The following ZNF57 variants were observed in gnomAD, a reference collection of about 807,000 sequenced individuals.
The protein encoded by ZNF57 is zinc finger protein 57.
A neutral mutation model predicts 13.4 loss-of-function variants in ZNF57; 11 were observed. The observed-to-expected ratio is 0.82, with a 90% confidence interval of 0.52 to 1.36. The LOEUF is 1.36. Ranked by LOEUF, ZNF57 falls within the 40% of genes most tolerant of loss-of-function variation. The probability of loss-of-function intolerance (pLI) is 0.00; values close to 1 mark genes in which losing one functional copy is unlikely to be tolerated. For synonymous variants in ZNF57, 224 were observed against 238.5 expected (o/e 0.94, Z 0.56); for missense variants, 696 against 667.5 (o/e 1.04, Z -0.47).
rs1212698828 is a variant in ZNF57, at chr19:2,917,242, T to G, written c.621T>G (p.His207Gln). 6.2e-7 allele frequency: 1 copy of G among 1,614,096 alleles called. No homozygotes were observed. The highest frequency in any genetic ancestry group is 8.5e-7 in the Non-Finnish European group (1 of 1,180,022). Residue 207 changes from histidine (H) to glutamine (Q), a missense_variant, in exon 4 of 4, where the codon CAT (histidine) becomes CAG (glutamine). This residue lies in a region of ZNF57 where 645 missense variants were observed against 591.5 expected (regional missense o/e 1.09). Transcript: ENST00000306908. ...AAGCATGTGGGCAAACTTTCCAACATCCTCGTTACCTCTCCCACCACGTAA... is the reference window on the plus strand; with the variant it reads ...AAGCATGTGGGCAAACTTTCCAACAGCCTCGTTACCTCTCCCACCACGTAA... ...KCQACGQTFQ[H>Q]PRYLSHHVKT...
chr19:2,907,494 TC>T (rs1434419547), intron 1 of ZNF57, among the ~76,000 whole-genome samples: 10 of 152,140 alleles, frequency 6.6e-5, no homozygotes, highest in African/African-American at 1.9e-4. Flanking sequence ...TTTTCCCCCA[TC>T]CTACACTTCA....
Position 2,917,618 on chromosome 19 carries a change from G to A in ZNF57, c.997G>A (p.Asp333Asn), listed in dbSNP as rs772107529. 6 of 1,613,562 alleles carry A rather than the reference G, an allele frequency of 3.7e-6. No individual in the cohort carries two copies. Among genetic ancestry groups the A allele is most frequent in the Non-Finnish European group, 5.1e-6 (6 of 1,179,762 alleles). Reference sequence around the variant, plus strand: ...AGTCCACATGAGGATCCACACTGGGGACAAACTCTATAAATGTGAACACTG... The same window carrying A: ...AGTCCACATGAGGATCCACACTGGGAACAAACTCTATAAATGTGAACACTG... The part of the protein sequence containing the change: ...LRVHMRIHTG[D>N]KLYKCEHCGK... The change falls in exon 4 of 4, where the codon GAC becomes AAC. Residue 333 changes from aspartate to asparagine, a missense_variant. Coordinates refer to ENST00000306908, the MANE Select transcript of ZNF57 (RefSeq NM_173480.3).
At chr19:2,908,654 C>T (rs1453555842) in intron 1 of ZNF57, among the ~76,000 whole-genome samples, 1 of 151,940 alleles carries the variant, frequency 6.6e-6, no homozygotes, top group South Asian at 2.1e-4. Context: ...CCGCCCTCCT[C>T]GGCCTCCCAA....
At chr19:2,903,508 G>A (rs921123795) in intron 1 of ZNF57, among the ~76,000 whole-genome samples, 16 of 152,078 alleles carry the variant, frequency 1.1e-4, no homozygotes, top group Admixed American at 3.3e-4. Context: ...CACCGCGCCC[G>A]GCCTGGATTA....
At chr19:2,910,222 G>T (rs1214496829) in intron 1 of ZNF57, among the ~76,000 whole-genome samples, 2 of 48,040 alleles carry the variant, frequency 4.2e-5, no homozygotes, top group African/African-American at 9.4e-5. Flanking sequence ...GGGCAATGCT[G>T]ATTTAATTCC....
rs1349491477 is a variant in ZNF57, at chr19:2,905,419, T to TCCCCACCCC, written c.3+4372_3+4373insCCCACCCCC. Among the ~76,000 whole-genome samples the TCCCCACCCC allele has an allele frequency of 5.5e-4, 13 of 23,664 alleles. 2 individuals carry two copies. The highest frequency in any genetic ancestry group is 2.0e-3 in the African/African-American group (13 of 6,404). The allele number at this position is 23,664 out of a possible 152,430, so 15.5% of individuals were successfully genotyped here. A position where few individuals can be genotyped will look rare whatever the true frequency, so the allele number is the denominator to read the frequency against. On this transcript the variant is annotated intron_variant, in intron 1 of 3. Transcript: ENST00000306908. ...ACTTCAGGTGATCGCCCCCCCCCCC[T>TCCCCACCCC]CGGCATTCCAAAGTATTTGCATTAC...
chr19:2,911,640 C>T (rs750978624), intron 1 of ZNF57, among the ~76,000 whole-genome samples: 1 of 152,198 alleles, frequency 6.6e-6, no homozygotes, highest in Non-Finnish European at 1.5e-5. Flanking sequence ...CCCGCCCCAG[C>T]CTCCCAAAAT....
Position 2,910,447 on chromosome 19 carries a change from CTTTT to C in ZNF57, c.4-5074_4-5071del, listed in dbSNP as rs2088120012. ...GATGTTCCACGTGCTTGATCTGTTT[CTTTT>C]CTTTTCTTTTTTTTTTTTTTTTTTT... On this transcript the variant is annotated intron_variant, in intron 1 of 3. Transcript: ENST00000306908. Among the ~76,000 whole-genome samples the C allele has an allele frequency of 9.7e-5, 2 of 20,720 alleles. 1 individual carries two copies. The highest frequency in any genetic ancestry group is 3.1e-3 in the South Asian group (2 of 646). 13.6% of individuals were successfully genotyped at this position (20,720 alleles called of 152,430 possible). A position where few individuals can be genotyped will look rare whatever the true frequency, so the allele number is the denominator to read the frequency against.
intron 1 of ZNF57, among the ~76,000 whole-genome samples, chr19:2,913,691 TCTCA>T (rs35774734): frequency 0.3 from 44,729 of 151,422 alleles, 7,222 homozygotes; most frequent in South Asian, 0.45. Flanking sequence ...GGAGACTAAC[TCTCA>T]CTCTGTCAGT....
At chr19:2,911,255 G>A (rs1263074235) in intron 1 of ZNF57, among the ~76,000 whole-genome samples, 1 of 152,030 alleles carries the variant, frequency 6.6e-6, no homozygotes. Context: ...TTGTGGCCGG[G>A]CACGGTGGCT....
At chr19:2,905,117 C>A (rs12976507) in intron 1 of ZNF57, among the ~76,000 whole-genome samples, 1 of 151,944 alleles carries the variant, frequency 6.6e-6, no homozygotes, top group South Asian at 2.1e-4. Flanking sequence ...GCTTCCCATC[C>A]TTTTGTGTTG....
intron 1 of ZNF57, among the ~76,000 whole-genome samples, chr19:2,906,588 A>G (rs2316873): frequency 0.81 from 122,938 of 152,166 alleles, 50,349 homozygotes; most frequent in Non-Finnish European, 0.88. Context: ...CCCCCTCCCT[A>G]GCTGGCCAGT....
rs2088064521 is a variant in ZNF57 at position 2,905,407 on chromosome 19, G to GCCGCCCCCC, written c.3+4361_3+4362insGCCCCCCCC. The stretch of plus-strand genomic sequence containing the variant: ...CTCGAACTCTTGACTTCAGGTGATC[G>GCCGCCCCCC]CCCCCCCCCCCTCGGCATTCCAAAG... On this transcript the variant is annotated intron_variant, in intron 1 of 3. Coordinates refer to ENST00000306908, the MANE Select transcript of ZNF57 (RefSeq NM_173480.3). Among the ~76,000 whole-genome samples the GCCGCCCCCC allele has an allele frequency of 5.7e-5, 2 of 34,818 alleles. 1 individual carries two copies. Among genetic ancestry groups the GCCGCCCCCC allele is most frequent in the Non-Finnish European group, 1.1e-4 (2 of 18,350 alleles). The allele number at this position is 34,818 out of a possible 152,430, so 22.8% of individuals were successfully genotyped here. A position where few individuals can be genotyped will look rare whatever the true frequency, so the allele number is the denominator to read the frequency against.
At chr19:2,911,384 T>A (rs2088134015) in intron 1 of ZNF57, among the ~76,000 whole-genome samples, 1 of 151,538 alleles carries the variant, frequency 6.6e-6, no homozygotes. Context: ...ACCAAAAAAA[T>A]TAGCTGGGCA....
At position 2,915,598 on chromosome 19, in the gene ZNF57, A is replaced by G; in HGVS notation, c.80A>G (p.Asp27Gly). Residue 27 changes from aspartate to glycine, a missense_variant, in exon 2 of 4, where the codon GAC (aspartate) becomes GGC (glycine). This residue lies in a region of ZNF57 where 43 missense variants were observed against 53.5 expected (regional missense o/e 0.80). Coordinates refer to ENST00000306908, the MANE Select transcript of ZNF57 (RefSeq NM_173480.3). ...EWALLDSAQRDLYRDVMLETF... is the reference protein window; with the variant it reads ...EWALLDSAQRGLYRDVMLETF... ...GCTTTGCTGGATTCTGCTCAGAGGGACCTCTACAGAGATGTGATGCTGGAG... is the reference window on the plus strand; with the variant it reads ...GCTTTGCTGGATTCTGCTCAGAGGGGCCTCTACAGAGATGTGATGCTGGAG... 1 of 1,613,758 alleles carries G rather than the reference A, an allele frequency of 6.2e-7. No individual in the cohort carries two copies. The highest frequency in any genetic ancestry group is 8.5e-7 in the Non-Finnish European group (1 of 1,179,872).
chr19:2,903,856 C>T (rs1237588408), intron 1 of ZNF57, among the ~76,000 whole-genome samples: 1 of 152,114 alleles, frequency 6.6e-6, no homozygotes, highest in Non-Finnish European at 1.5e-5. Context: ...GCTGGGACTA[C>T]AGGCGACCGC....
chr19:2,909,129 T>C (rs1256222512), intron 1 of ZNF57, among the ~76,000 whole-genome samples: 1 of 152,120 alleles, frequency 6.6e-6, no homozygotes, highest in Admixed American at 6.6e-5. Context: ...ACCTTTTGGC[T>C]ATTGTGAATA....
At chr19:2,914,680 T>A (rs2088172779) in intron 1 of ZNF57, among the ~76,000 whole-genome samples, 1 of 152,240 alleles carries the variant, frequency 6.6e-6, no homozygotes, top group South Asian at 2.1e-4. Flanking sequence ...AGCTTCGGGT[T>A]TATATTCATC....
chr19:2,916,710 C>A (rs148976781), intron 3 of ZNF57: 24 of 375,204 alleles, frequency 6.4e-5, no homozygotes, highest in Admixed American at 4.4e-4. Context: ...AGTGAGACTC[C>A]ATCTCAAAAA....
Sources: allele counts gnomAD v4.1 joint callset (sites outside exome capture counted in the v4.1 genomes callset), GRCh38; gene constraint gnomAD v4.1.1; regional missense constraint gnomAD v4.1.1; transcripts MANE v1.5; gene names NCBI Gene and HGNC (gene_info 2026-07-23, HGNC 2026-07-21).